ANO1: variants seen among roughly 807,000 people sequenced by gnomAD.
The protein encoded by ANO1 is anoctamin 1.
A neutral mutation model predicts 124.0 loss-of-function variants in ANO1; 59 were observed. The observed-to-expected ratio is 0.48, with a 90% CI of 0.39 to 0.59. ANO1 has a LOEUF of 0.59. Ranked by LOEUF, ANO1 falls within the 20% of genes least tolerant of loss-of-function variation. The pLI, the probability that ANO1 is intolerant of heterozygous loss-of-function variation, is 0.00. For missense variants in ANO1, 1,059 were observed against 1,328.0 expected (o/e 0.80, Z 3.15); for synonymous variants, 529 against 532.0 (o/e 0.99, Z 0.08).
intron 19 of ANO1, 105 bp downstream of exon 19, chr11:70,163,445 G>A (rs367881221): frequency 7.2e-7 from 1 of 1,388,324 alleles, no homozygotes; most frequent in African/African-American, 1.4e-5. Context: ...GTTCAGCAAA[G>A]AGCAGCAGGT....
chr11:70,185,503 C>A, intron 24 of ANO1, 87 bp from the exon 25 acceptor site: 1 of 1,263,338 alleles, frequency 7.9e-7, no homozygotes, highest in South Asian at 1.3e-5. Context: ...CTGAGCCTCT[C>A]CCAGGCGTCC....
At chr11:70,104,347 C>T (rs887662235) in intron 4 of ANO1, among the ~76,000 whole-genome samples, 197 bp downstream of exon 4, 9 of 152,188 alleles carry the variant, frequency 5.9e-5, no homozygotes, top group African/African-American at 2.2e-4. Flanking sequence ...TAGGGGGACA[C>T]AGCATCTTGT....
intron 1 of ANO1, among the ~76,000 whole-genome samples, chr11:70,085,897 G>A (rs931249554): frequency 3.3e-5 from 5 of 152,246 alleles, no homozygotes; most frequent in African/African-American, 1.2e-4. Context: ...CCCGACCAGT[G>A]CACAGCCATT....
At chr11:70,101,987 T>A (rs938305050) in intron 2 of ANO1, among the ~76,000 whole-genome samples, 1 of 152,218 alleles carries the variant, frequency 6.6e-6, no homozygotes, top group African/African-American at 2.4e-5. Flanking sequence ...CCTGGGCAGC[T>A]GGGTGGTCTC....
chr11:70,079,190 G>T (rs185019375), intron 1 of ANO1, among the ~76,000 whole-genome samples: 228 of 152,260 alleles, frequency 1.5e-3, no homozygotes, highest in African/African-American at 4.4e-3. Context: ...GTAACTGCCA[G>T]GCCCCACTGC....
At position 70,105,785 on chromosome 11, in the gene ANO1, G is replaced by A. The variant is rs369730320; in HGVS notation, c.744G>A (p.Thr248=). ...DSFFDSKTRS[T]IVYEILKRTT... is the part of the protein sequence containing the mutation. ...TTTTCGACAGCAAAACCCGGAGCACGATTGTAAGTATCGCACGCGCCTGGA... is the reference window on the plus strand; with the variant it reads ...TTTTCGACAGCAAAACCCGGAGCACAATTGTAAGTATCGCACGCGCCTGGA... The change falls in exon 5 of 26, where the codon ACG becomes ACA. Residue 248 remains threonine, a synonymous_variant. Coordinates refer to ENST00000355303, the MANE Select transcript of ANO1 (RefSeq NM_018043.7). 145 of 1,613,506 alleles carry A rather than the reference G, an allele frequency of 9.0e-5. 2 individuals carry two copies. In the African/African-American group the frequency reaches 1.1e-3, roughly 12 times the overall value.
At chr11:70,162,172 T>C (rs1202629692) in intron 18 of ANO1, among the ~76,000 whole-genome samples, 3 of 93,334 alleles carry the variant, frequency 3.2e-5, no homozygotes, top group South Asian at 3.5e-4. Context: ...AGTGAGGGCC[T>C]TGGGCAGTGG....
chr11:70,092,037 C>G (rs1249774555), intron 2 of ANO1, among the ~76,000 whole-genome samples: 4 of 152,222 alleles, frequency 2.6e-5, no homozygotes, highest in Non-Finnish European at 5.9e-5. Context: ...AAGGTGCCAG[C>G]AGGGCCGCGC....
Position 70,078,685 on chromosome 11 carries a change from G to A in ANO1, c.79G>A (p.Asp27Asn). 2 of 1,492,958 alleles carry A rather than the reference G, an allele frequency of 1.3e-6. No homozygotes were observed. Among genetic ancestry groups the A allele is most frequent in the Non-Finnish European group, 1.8e-6 (2 of 1,110,348 alleles). The allele number at this position is 1,492,958 out of a possible 1,614,324, so 92.5% of individuals were successfully genotyped here. ...VHIINICAIE[D>N]IGYLPSEGTL... Reference sequence around the variant, plus strand: ...CATCATCAACATCTGCGCCATCGAGGACATCGGCTACCTGCCGTCCGAGGG... The same window carrying A: ...CATCATCAACATCTGCGCCATCGAGAACATCGGCTACCTGCCGTCCGAGGG... The change falls in exon 1 of 26, where the codon GAC (aspartate) becomes AAC (asparagine). Residue 27 changes from aspartate to asparagine, a missense_variant. Around this residue, in one of 2 missense-constraint regions of ANO1, gnomAD observed 250 missense variants for 233.1 expected, o/e 1.07. Coordinates refer to ENST00000355303, the MANE Select transcript of ANO1 (RefSeq NM_018043.7).
chr11:70,085,610 C>T (rs1337355296), intron 1 of ANO1: 5 of 1,535,200 alleles, frequency 3.3e-6, no homozygotes, highest in Non-Finnish European at 4.4e-6. Flanking sequence ...GGACATGGCC[C>T]CAACTGTCCC....
intron 11 of ANO1, among the ~76,000 whole-genome samples, chr11:70,138,000 C>G (rs1447101251): frequency 6.8e-6 from 1 of 147,644 alleles, no homozygotes; most frequent in South Asian, 2.3e-4. Context: ...TAACCTCTCA[C>G]CTTGTGCTTG....
intron 1 of ANO1, among the ~76,000 whole-genome samples, chr11:70,063,344 T>C (rs1008581482): frequency 1.3e-5 from 2 of 152,202 alleles, no homozygotes; most frequent in African/African-American, 4.8e-5. Flanking sequence ...CCCAGACCTG[T>C]CATCTTATCA....
At chr11:70,033,087 T>A (rs539057376) in intron 1 of ANO1, among the ~76,000 whole-genome samples, 1 of 152,126 alleles carries the variant, frequency 6.6e-6, no homozygotes, top group Non-Finnish European at 1.5e-5. Context: ...TCCAGCTCGA[T>A]GGGTGTGAGC....
chr11:70,015,464 C>T (rs1555001819), intron 1 of ANO1, among the ~76,000 whole-genome samples: 2 of 152,160 alleles, frequency 1.3e-5, no homozygotes. Flanking sequence ...CGTGCTCACT[C>T]ACTGACCCGG....
At chr11:69,989,352 T>C (rs1856110467) in intron 1 of ANO1, among the ~76,000 whole-genome samples, 1 of 152,072 alleles carries the variant, frequency 6.6e-6, no homozygotes, top group African/African-American at 2.4e-5. Context: ...TCTGTGCCAT[T>C]GAGTGGGTGG....
intron 1 of ANO1, among the ~76,000 whole-genome samples, chr11:69,988,846 T>C (rs1178535556): frequency 6.6e-6 from 1 of 151,956 alleles, no homozygotes; most frequent in Non-Finnish European, 1.5e-5. Context: ...TCCCCTTCTC[T>C]TGGAAATCAA....
At chr11:69,975,345 C>G in the ANO1 span, among the ~76,000 whole-genome samples, 2 of 152,222 alleles carry the variant, frequency 1.3e-5, no homozygotes, top group Admixed American at 1.3e-4. Flanking sequence ...GCCCCCCTCC[C>G]CAAAATGGCA....
intron 22 of ANO1, among the ~76,000 whole-genome samples, chr11:70,174,218 G>A (rs977893504): frequency 2.0e-4 from 30 of 151,442 alleles, no homozygotes; most frequent in Non-Finnish European, 4.0e-4. Flanking sequence ...GATTACAGGC[G>A]TGAGCCACCG....
intron 11 of ANO1, among the ~76,000 whole-genome samples, chr11:70,137,381 G>A (rs556361060): frequency 1.1e-4 from 14 of 129,950 alleles, no homozygotes; most frequent in Non-Finnish European, 1.7e-4. Context: ...CTCCCTGGAC[G>A]CTGCGTCCAT....
Sources: allele counts gnomAD v4.1 joint callset (sites outside exome capture counted in the v4.1 genomes callset), GRCh38; gene constraint gnomAD v4.1.1; regional missense constraint gnomAD v4.1.1; transcripts MANE v1.5; gene names NCBI Gene and HGNC (gene_info 2026-07-23, HGNC 2026-07-21).